The following GRM7 variants were observed in gnomAD, a reference collection of about 807,000 sequenced individuals.
GRM7 encodes the protein glutamate metabotropic receptor 7.
GRM7 carries 35 observed loss-of-function variants against 84.5 expected under a neutral mutation model. The observed-to-expected ratio is 0.41, with a 90% CI of 0.32 to 0.55. GRM7 has a LOEUF of 0.55. GRM7 is among the 20% of genes least tolerant of loss of function. The probability of loss-of-function intolerance (pLI) is 0.19; values close to 1 mark genes in which losing one functional copy is unlikely to be tolerated. For synonymous variants in GRM7, 487 were observed against 455.1 expected (o/e 1.07, Z -0.89); for missense variants, 1,003 against 1,194.6 (o/e 0.84, Z 2.36).
intron 9 of GRM7, among the ~76,000 whole-genome samples, chr3:7,726,623 A>C (rs1456221677): frequency 0.022 from 857 of 39,626 alleles, 38 homozygotes; most frequent in African/African-American, 0.09. Flanking sequence ...CTATATATAT[A>C]TATATATATA....
At chr3:7,705,916 C>A (rs187759645) in intron 9 of GRM7, among the ~76,000 whole-genome samples, 1 of 152,246 alleles carries the variant, frequency 6.6e-6, no homozygotes, top group Non-Finnish European at 1.5e-5. Context: ...AAATAAATCA[C>A]TCTAGCTGCC....
At chr3:6,951,926 C>T (rs1692789022) in intron 1 of GRM7, among the ~76,000 whole-genome samples, 2 of 152,196 alleles carry the variant, frequency 1.3e-5, no homozygotes, top group Non-Finnish European at 2.9e-5. Flanking sequence ...AAATTGTCCC[C>T]TTTATCATTA....
chr3:7,213,694 G>C (rs962765506), intron 2 of GRM7, among the ~76,000 whole-genome samples: 2 of 152,176 alleles, frequency 1.3e-5, no homozygotes, highest in Non-Finnish European at 2.9e-5. Context: ...AGCCCATAGT[G>C]GATTCTGGGT....
chr3:7,691,382 T>A (rs1700795099), intron 9 of GRM7: 1 of 596,570 alleles, frequency 1.7e-6, no homozygotes, highest in Non-Finnish European at 2.4e-6. Flanking sequence ...TCTTTTTCTC[T>A]GGTCAAGAAA....
intron 7 of GRM7, among the ~76,000 whole-genome samples, chr3:7,513,010 A>G (rs1700264389): frequency 6.6e-6 from 1 of 152,244 alleles, no homozygotes. Context: ...TTACAGTTAC[A>G]GATGGCTGCC....
At chr3:7,512,957 A>G (rs1700262300) in intron 7 of GRM7, among the ~76,000 whole-genome samples, 1 of 152,210 alleles carries the variant, frequency 6.6e-6, no homozygotes, top group Non-Finnish European at 1.5e-5. Flanking sequence ...AGTGTTTAGC[A>G]TAATAGAAAA....
intron 9 of GRM7, among the ~76,000 whole-genome samples, chr3:7,695,037 G>C (rs1374957141): frequency 6.6e-6 from 1 of 152,114 alleles, no homozygotes; most frequent in African/African-American, 2.4e-5. Context: ...CACTTACAGA[G>C]CAAAGTGTTT....
At chr3:7,025,239 A>G (rs1484228049) in intron 1 of GRM7, among the ~76,000 whole-genome samples, 2 of 152,202 alleles carry the variant, frequency 1.3e-5, no homozygotes, top group African/African-American at 4.8e-5. Flanking sequence ...CTAAGTAGCA[A>G]TCTTAACTCC....
At position 7,361,577 on chromosome 3, in the gene GRM7, C is replaced by G. The variant is rs147491543; in HGVS notation, c.1034-53446C>G. ...GTGTTTTCCTGTGGTTCCGAAGACC[C>G]CCTGTAGATTACCTTATCCTGTTTG... On this transcript the variant is annotated intron_variant, in intron 4 of 9. Coordinates refer to ENST00000357716, the MANE Select transcript of GRM7 (RefSeq NM_000844.4). Among the ~76,000 whole-genome samples, 739 of 152,114 alleles carry G rather than the reference C, an allele frequency of 4.9e-3. 11 individuals carry two copies. Among genetic ancestry groups the G allele is most frequent in the African/African-American group, 0.017 (713 of 41,506 alleles).
At chr3:7,045,504 C>G (rs1052004003) in intron 1 of GRM7, among the ~76,000 whole-genome samples, 13 of 152,108 alleles carry the variant, frequency 8.5e-5, no homozygotes, top group Non-Finnish European at 1.5e-4. Context: ...TATTGTAAAA[C>G]TAAAACTTTG....
chr3:7,612,899 C>G (rs1696907648), intron 8 of GRM7, among the ~76,000 whole-genome samples: 1 of 152,154 alleles, frequency 6.6e-6, no homozygotes, highest in African/African-American at 2.4e-5. Flanking sequence ...TTTAAAGAAG[C>G]AGGATTTCAT....
chr3:7,037,294 G>A (rs749059545), intron 1 of GRM7, among the ~76,000 whole-genome samples: 28 of 152,062 alleles, frequency 1.8e-4, no homozygotes, highest in African/African-American at 3.9e-4. Flanking sequence ...GGCTTTTGTC[G>A]TTACTTTTAA....
chr3:7,160,571 C>T (rs968440483), intron 2 of GRM7, among the ~76,000 whole-genome samples: 14 of 152,076 alleles, frequency 9.2e-5, no homozygotes, highest in African/African-American at 3.4e-4. Context: ...TGGTGGCTAC[C>T]ACCACTGACT....
At chr3:6,872,925 G>A (rs986766532) in intron 1 of GRM7, among the ~76,000 whole-genome samples, 14 of 152,266 alleles carry the variant, frequency 9.2e-5, no homozygotes, top group Admixed American at 7.8e-4. Flanking sequence ...ATAAACATAT[G>A]TGTGCATATG....
At chr3:7,691,351 G>A (rs1301700146) in intron 9 of GRM7, 2 of 885,328 alleles carry the variant, frequency 2.3e-6, no homozygotes, top group Admixed American at 3.0e-5. Context: ...CCAAGTATTG[G>A]TTATAACCTG....
chr3:7,003,583 G>C (rs1695085173), intron 1 of GRM7, among the ~76,000 whole-genome samples: 1 of 152,146 alleles, frequency 6.6e-6, no homozygotes, highest in South Asian at 2.1e-4. Context: ...GTGATAGGTG[G>C]AAATGAGTCA....
At chr3:7,131,892 C>T (rs531271771) in intron 1 of GRM7, among the ~76,000 whole-genome samples, 1 of 152,298 alleles carries the variant, frequency 6.6e-6, no homozygotes, top group African/African-American at 2.4e-5. Flanking sequence ...CTTGCCACAT[C>T]ATTTTCTCCA....
intron 5 of GRM7, among the ~76,000 whole-genome samples, chr3:7,440,949 A>C (rs1054496361): frequency 6.6e-6 from 1 of 152,196 alleles, no homozygotes; most frequent in African/African-American, 2.4e-5. Context: ...TAGCGCTGCC[A>C]TGAACATGTG....
At position 6,862,066 on chromosome 3, in the gene GRM7, C is replaced by T. The variant is rs1432392385; in HGVS notation, c.519+159C>T. The stretch of plus-strand genomic sequence containing the variant: ...CCCTCCCACCCCGCTCGAGGAGATA[C>T]CTTCCCTGCTTGGTTTATTTCCCTT... On this transcript the variant is annotated intron_variant, in intron 1 of 9. Transcript: ENST00000357716. The surrounding 1 kb of genome is among the most constrained non-coding windows in gnomAD (Gnocchi z 5.2). 6.6e-6 allele frequency among the ~76,000 whole-genome samples: 1 copy of T among 152,016 alleles called. No homozygotes were observed. The highest frequency in any genetic ancestry group is 1.5e-5 in the Non-Finnish European group (1 of 68,014).
Sources: gnomAD v4.1 joint callset for allele counts (sites outside exome capture counted in the v4.1 genomes callset) on GRCh38, gnomAD v4.1.1 for gene constraint, Gnocchi (gnomAD v3.1) non-coding constraint, MANE v1.5 for transcripts, NCBI Gene and HGNC (gene_info 2026-07-23, HGNC 2026-07-21) for gene names.